The following PUDP variants were observed in gnomAD, a reference collection of about 807,000 sequenced individuals.
The protein encoded by PUDP is pseudouridine 5'-phosphatase.
PUDP carries 8 observed loss-of-function variants against 9.4 expected under a neutral mutation model. The ratio of observed to expected loss-of-function variants is 0.85; its 90% CI spans 0.50 to 1.53. The LOEUF (loss-of-function observed/expected upper bound fraction) is 1.53. Ranked by LOEUF, PUDP falls within the 40% of genes most tolerant of loss-of-function variation. The probability of loss-of-function intolerance (pLI) is 0.00; values close to 1 mark genes in which losing one functional copy is unlikely to be tolerated. For missense variants in PUDP, 188 were observed against 189.7 expected, an observed-to-expected ratio of 0.99 and a Z score of 0.05; for synonymous variants, 99 against 80.7, an observed-to-expected ratio of 1.23 and a Z score of -1.22.
At chrX:7,009,741 C>T (rs7879395) in intron 1 of PUDP, among the ~76,000 whole-genome samples, 1,863 of 110,590 alleles carry the variant, frequency 0.017, 47 homozygotes, top group African/African-American at 0.055. Flanking sequence ...GTATCTATGA[C>T]GAGTTAATGG....
chrX:7,024,589 CTCT>C (rs1265278526), intron 1 of PUDP, among the ~76,000 whole-genome samples: 1 of 73,546 alleles, frequency 1.4e-5, no homozygotes, highest in Non-Finnish European at 2.3e-5. Context: ...CTAGCCTTCT[CTCT>C]TTTTTTTTTT....
At chrX:6,966,969 C>T (rs192871309) in intron 3 of PUDP, among the ~76,000 whole-genome samples, 4 of 111,831 alleles carry the variant, frequency 3.6e-5, no homozygotes, top group Admixed American at 2.8e-4. Flanking sequence ...AGCTGATTCC[C>T]GGTTGGAGGA....
chrX:6,982,023 TACACACACACACAC>T (rs59016698), intron 1 of PUDP, among the ~76,000 whole-genome samples: 2,250 of 86,966 alleles, frequency 0.026, 30 homozygotes, highest in African/African-American at 0.054. Context: ...AACTTATGGA[TACACACACACACAC>T]ACACACACAC....
chrX:6,748,071 A>G (rs146317876), intron 3 of PUDP, among the ~76,000 whole-genome samples: 1,265 of 112,095 alleles, frequency 0.011, 56 homozygotes, highest in Admixed American at 0.097. Context: ...TGTTTATTTG[A>G]CACCTGGGGG....
chrX:7,064,988 AC>A lies in PUDP; in HGVS notation c.510+12231del, dbSNP rs750466615. ...TTCTGGTGTAGTAAAACAGCTACAC[AC>A]AGAAATAGAGCTAAAGAAAGAAAAA... On this transcript the variant is annotated intron_variant, in intron 3 of 3. Coordinates refer to ENST00000381077, the MANE Select transcript of PUDP (RefSeq NM_012080.5). Among the ~76,000 whole-genome samples, 12 of 111,517 alleles carry A rather than the reference AC, an allele frequency of 1.1e-4. No individual in the cohort carries two copies. In the East Asian group the frequency reaches 3.1e-3, roughly 29 times the overall value.
At chrX:6,928,797 C>A (rs779417746) in intron 3 of PUDP, among the ~76,000 whole-genome samples, 5 of 111,011 alleles carry the variant, frequency 4.5e-5, no homozygotes, top group Non-Finnish European at 9.4e-5. Context: ...ACTAGTGAGG[C>A]TGAGGTAGGA....
At chrX:6,848,788 C>G (rs1926785499) in intron 3 of PUDP, among the ~76,000 whole-genome samples, 1 of 111,740 alleles carries the variant, frequency 8.9e-6, no homozygotes, top group African/African-American at 3.3e-5. Flanking sequence ...CTCTTACTCC[C>G]ACTCTCATCA....
chrX:6,809,093 A>C (rs1454949512), intron 3 of PUDP, among the ~76,000 whole-genome samples: 3 of 111,069 alleles, frequency 2.7e-5, no homozygotes, highest in Non-Finnish European at 3.8e-5. Flanking sequence ...AGCCCAATCA[A>C]ATGCTGGCTG....
At chrX:6,980,602 T>C (rs1929018601) in intron 1 of PUDP, among the ~76,000 whole-genome samples, 1 of 110,011 alleles carries the variant, frequency 9.1e-6, no homozygotes, top group Admixed American at 9.7e-5. Flanking sequence ...CAAGGTGCAT[T>C]ACAGCCGGCC....
At chrX:7,015,738 A>G (rs1378792572) in intron 1 of PUDP, among the ~76,000 whole-genome samples, 2 of 110,147 alleles carry the variant, frequency 1.8e-5, no homozygotes, top group Non-Finnish European at 3.8e-5. Context: ...AACATACCAG[A>G]CTAATTTTTT....
intron 3 of PUDP, among the ~76,000 whole-genome samples, chrX:6,759,776 C>G (rs185734964): frequency 8.9e-6 from 1 of 112,035 alleles, no homozygotes; most frequent in East Asian, 2.8e-4. Flanking sequence ...GCAACATACT[C>G]TCATGAATTC....
At chrX:6,756,357 T>A (rs957167971) in intron 3 of PUDP, among the ~76,000 whole-genome samples, 2 of 112,378 alleles carry the variant, frequency 1.8e-5, no homozygotes, top group Non-Finnish European at 3.8e-5. Flanking sequence ...AATGGATAAA[T>A]TAAATGTGGT....
intron 2 of PUDP, among the ~76,000 whole-genome samples, chrX:6,977,812 T>A (rs974731152): frequency 8.9e-6 from 1 of 112,797 alleles, no homozygotes; most frequent in African/African-American, 3.2e-5. Context: ...AAGTCAGCAC[T>A]TGCATAGACA....
rs1291334450 is a variant in PUDP at position 7,132,992 on chromosome X, T to C, written c.61+15061A>G. On this transcript the variant is annotated intron_variant, in intron 1 of 3. Transcript: ENST00000381077. ...CTGAAGCAGGAAATGGCAGCTGGAA[T>C]GACACAGAAGTGGCTTTGAAATATT... Among the ~76,000 whole-genome samples, 4 of 111,973 alleles carry C rather than the reference T, an allele frequency of 3.6e-5. No individual in the cohort carries two copies. The East Asian group carries it at 1.1e-3, about 31-fold the overall frequency.
rs777169785 is a variant in PUDP, at chrX:6,770,808, T to C, written c.*248-64342A>G. Among the ~76,000 whole-genome samples, 10 of 111,659 alleles carry C rather than the reference T, an allele frequency of 9.0e-5. No homozygotes were observed. The South Asian group carries it at 2.7e-3, about 30-fold the overall frequency. ...AGATATGCAATGCTGGGCTGCCTGGTGAATTTGAAGAGAAGACCCATCTGA... is the reference window on the plus strand; with the variant it reads ...AGATATGCAATGCTGGGCTGCCTGGCGAATTTGAAGAGAAGACCCATCTGA... On this transcript the variant is annotated intron_variant and NMD_transcript_variant, in intron 3 of 3. Transcript: ENST00000655425.
intron 2 of PUDP, among the ~76,000 whole-genome samples, chrX:7,083,292 T>C (rs1021992532): frequency 1.8e-5 from 2 of 111,339 alleles, no homozygotes; most frequent in African/African-American, 6.5e-5. Flanking sequence ...GGAAGAAGAC[T>C]CAAACAGGCA....
chrX:6,812,055 T>G (rs1926152836), intron 3 of PUDP, among the ~76,000 whole-genome samples: 1 of 112,229 alleles, frequency 8.9e-6, no homozygotes, highest in Admixed American at 9.4e-5. Context: ...TTCAACATGG[T>G]TGGAACAAAG....
downstream of PUDP, among the ~76,000 whole-genome samples, chrX:7,046,143 C>T (rs1170266241): frequency 8.9e-6 from 1 of 112,190 alleles, no homozygotes; most frequent in Non-Finnish European, 1.9e-5. Flanking sequence ...ATTTGCTCCA[C>T]CTCCCTCCAA....
intron 3 of PUDP, among the ~76,000 whole-genome samples, chrX:6,858,335 C>CTTTTTTTTTTTTTTTTT (rs113300792): frequency 3.0e-5 from 2 of 67,761 alleles, no homozygotes; most frequent in African/African-American, 1.1e-4. Context: ...TTTTTTTTTT[C>CTTTTTTTTTTTTTTTTT]TTTTTTTTTT....
Sources: gnomAD v4.1 joint callset for allele counts (sites outside exome capture counted in the v4.1 genomes callset) on GRCh38, gnomAD v4.1.1 for gene constraint, MANE v1.5 for transcripts, NCBI Gene and HGNC (gene_info 2026-07-23, HGNC 2026-07-21) for gene names.